Variants in DCLK2 observed in about 807,000 individuals in gnomAD.
DCLK2 encodes serine/threonine-protein kinase DCLK2.
DCLK2 carries 31 observed loss-of-function variants against 78.4 expected under a neutral mutation model. The ratio of observed to expected loss-of-function variants is 0.40; its 90% confidence interval spans 0.30 to 0.53. The LOEUF is 0.53. Among genes scored for constraint, DCLK2 ranks in the 20% least tolerant of loss-of-function variants. The pLI, the probability that DCLK2 is intolerant of heterozygous loss-of-function variation, is 0.61. For missense variants in DCLK2, 872 were observed against 973.7 expected, an observed-to-expected ratio of 0.90 and a Z score of 1.39; for synonymous variants, 407 against 374.9, an observed-to-expected ratio of 1.09 and a Z score of -0.99.
chr4:150,090,438 C>T (rs964094723), intron 1 of DCLK2, among the ~76,000 whole-genome samples: 23 of 151,820 alleles, frequency 1.5e-4, no homozygotes, highest in African/African-American at 1.7e-4. Flanking sequence ...CAAAACAAAA[C>T]AAAACAAAAA....
At chr4:150,194,646 A>G (rs1262358652) in intron 3 of DCLK2, among the ~76,000 whole-genome samples, 1 of 152,168 alleles carries the variant, frequency 6.6e-6, no homozygotes, top group Non-Finnish European at 1.5e-5. Context: ...TCCTCTTTAA[A>G]TGAAGTAAAA....
intron 12 of DCLK2, among the ~76,000 whole-genome samples, chr4:150,245,743 A>G (rs1743258783): frequency 6.6e-6 from 1 of 152,234 alleles, no homozygotes; most frequent in African/African-American, 2.4e-5. Flanking sequence ...TATATGTGCC[A>G]CATTTTCTTA....
chr4:150,157,581 C>A (rs1436977231), intron 2 of DCLK2, among the ~76,000 whole-genome samples: 1 of 148,500 alleles, frequency 6.7e-6, no homozygotes, highest in Non-Finnish European at 1.5e-5. Context: ...GGTGTGATCT[C>A]GGCTCACTGC....
intron 3 of DCLK2, among the ~76,000 whole-genome samples, chr4:150,196,927 G>A (rs949126280): frequency 2.0e-5 from 3 of 152,212 alleles, no homozygotes; most frequent in Admixed American, 2.0e-4. Flanking sequence ...GCCGAGGCCA[G>A]CAGATCACCT....
intron 13 of DCLK2, 134 bp downstream of exon 13, chr4:150,247,833 T>G (rs1359527682): frequency 1.5e-6 from 1 of 683,394 alleles, no homozygotes; most frequent in Non-Finnish European, 2.4e-6. Flanking sequence ...TCTTTTAAGT[T>G]TATCCCATGG....
chr4:150,232,077 C>T (rs1742114797), intron 8 of DCLK2, among the ~76,000 whole-genome samples: 2 of 152,180 alleles, frequency 1.3e-5, no homozygotes, highest in Non-Finnish European at 2.9e-5. Context: ...AGACAGTATG[C>T]TTAATACACC....
intron 5 of DCLK2, 64 bp from the exon 6 acceptor site, chr4:150,220,639 A>G (rs80038066): frequency 0.019 from 26,380 of 1,364,560 alleles, 375 homozygotes; most frequent in Middle Eastern, 0.038. Context: ...TTGTGTGTCA[A>G]CGGATTAGTT....
At chr4:150,214,727 C>G (rs1304713690) in intron 5 of DCLK2, among the ~76,000 whole-genome samples, 1 of 152,022 alleles carries the variant, frequency 6.6e-6, no homozygotes, top group Non-Finnish European at 1.5e-5. Context: ...TTTGGGAGGC[C>G]AAGGTGGGTG....
chr4:150,179,648 C>G (rs1301942756), intron 2 of DCLK2, among the ~76,000 whole-genome samples: 3 of 152,006 alleles, frequency 2.0e-5, no homozygotes, highest in African/African-American at 7.2e-5. Context: ...GCAGGTTTTG[C>G]ATTGATTTAA....
chr4:150,172,465 G>A (rs1193628321), intron 2 of DCLK2, among the ~76,000 whole-genome samples: 1 of 151,822 alleles, frequency 6.6e-6, no homozygotes, highest in East Asian at 1.9e-4. Context: ...AAATTAGCCG[G>A]GCATCATGGC....
At chr4:150,240,769 G>GA (rs34362156) in intron 12 of DCLK2, among the ~76,000 whole-genome samples, 66,999 of 136,484 alleles carry the variant, frequency 0.49, 17,176 homozygotes, top group Non-Finnish European at 0.59. Context: ...AAAAGAAAAA[G>GA]AAAAAAAAAA....
chr4:150,121,114 C>G (rs1253623434), intron 2 of DCLK2, among the ~76,000 whole-genome samples: 2 of 138,472 alleles, frequency 1.4e-5, no homozygotes, highest in African/African-American at 5.6e-5. Context: ...AAGTCATAAT[C>G]TTTTTGCTGG....
At chr4:150,179,685 A>C (rs901386691) in intron 2 of DCLK2, among the ~76,000 whole-genome samples, 9 of 152,192 alleles carry the variant, frequency 5.9e-5, no homozygotes, top group African/African-American at 1.9e-4. Context: ...AATATTATTA[A>C]TACATATTTA....
intron 12 of DCLK2, among the ~76,000 whole-genome samples, chr4:150,245,706 T>A (rs1743254734): frequency 6.6e-6 from 1 of 152,342 alleles, no homozygotes; most frequent in South Asian, 2.1e-4. Context: ...CTCATCCTTT[T>A]TTATGACTGC....
At chr4:150,170,253 A>C (rs1231963375) in intron 2 of DCLK2, among the ~76,000 whole-genome samples, 4 of 152,120 alleles carry the variant, frequency 2.6e-5, no homozygotes, top group African/African-American at 9.7e-5. Context: ...CATGTTGGCC[A>C]GGCTGGTTTT....
chr4:150,082,002 AAAAAAAAAAAAAG>A (rs1264228580), intron 1 of DCLK2, among the ~76,000 whole-genome samples: 1 of 151,342 alleles, frequency 6.6e-6, no homozygotes. Context: ...TGTCTCAAAA[AAAAAAAAAAAAAG>A]AAAAGAAAAA....
chr4:150,219,258 CTT>C (rs375592229), intron 5 of DCLK2, among the ~76,000 whole-genome samples: 1,406 of 72,094 alleles, frequency 0.02, 36 homozygotes, highest in African/African-American at 0.07. Context: ...CACAAACATT[CTT>C]TTTTTTTTTT....
At chr4:150,098,698 CTTTT>C (rs59616581) in intron 1 of DCLK2, among the ~76,000 whole-genome samples, 1 of 129,098 alleles carries the variant, frequency 7.7e-6, no homozygotes. Context: ...TTTTCTTTTT[CTTTT>C]TTTTTTTTTT....
intron 1 of DCLK2, 128 bp downstream of exon 1, chr4:150,079,576 T>C (rs1052022387): frequency 5.1e-6 from 5 of 979,420 alleles, no homozygotes; most frequent in Admixed American, 3.3e-5. Context: ...TTCTGTCTGC[T>C]TCTCTAGAGA....
Sources: allele counts gnomAD v4.1 joint callset (sites outside exome capture counted in the v4.1 genomes callset), GRCh38; gene constraint gnomAD v4.1.1; transcripts MANE v1.5; gene names NCBI Gene and HGNC (gene_info 2026-07-23, HGNC 2026-07-21).